KDM5A: variants seen among roughly 807,000 people sequenced by gnomAD.
KDM5A encodes lysine demethylase 5A, also known as lysine-specific demethylase 5A.
In KDM5A, 42 loss-of-function variants were observed where a neutral mutation model predicts 193.5. That is an observed-to-expected ratio of 0.22 (90% CI 0.17 to 0.28). The LOEUF is 0.28. KDM5A is among the 10% of genes least tolerant of loss of function. The pLI is 1.00. For missense variants in KDM5A, 1,692 were observed against 2,055.1 expected, an observed-to-expected ratio of 0.82 and a Z score of 3.42; for synonymous variants, 796 against 718.1, an observed-to-expected ratio of 1.11 and a Z score of -1.73.
In KDM5A at chr12:311,020, A is replaced by G; in HGVS notation, c.3081T>C (p.Ser1027=). 6.2e-7 allele frequency: 1 copy of G among 1,614,218 alleles called. No homozygotes were observed. Residue 1027 remains serine, a synonymous_variant, in exon 21 of 28, where the codon TCT becomes TCC. Coordinates refer to ENST00000399788, the MANE Select transcript of KDM5A (RefSeq NM_001042603.3). The part of the protein sequence containing the change: ...YAYLEQLESL[S]AKGRPIPVRL... Reference sequence around the variant, plus strand: ...GCACAGGAATAGGGCGTCCTTTCGCAGACAAGCTCTCAAGCTGCTCCAAAT... The same window carrying G: ...GCACAGGAATAGGGCGTCCTTTCGCGGACAAGCTCTCAAGCTGCTCCAAAT...
chr12:372,381 C>T (rs1228910831), intron 3 of KDM5A, among the ~76,000 whole-genome samples: 2 of 152,282 alleles, frequency 1.3e-5, no homozygotes, highest in East Asian at 3.9e-4. Context: ...GGAGTTCACT[C>T]ATGATTTGGC....
intron 27 of KDM5A, among the ~76,000 whole-genome samples, chr12:292,288 G>A (rs1051511885): frequency 1.3e-4 from 20 of 152,186 alleles, no homozygotes; most frequent in African/African-American, 3.9e-4. Context: ...GGTGCCCACA[G>A]CTCTGAGTGT....
At chr12:288,987 A>G (rs1943254661) in intron 27 of KDM5A, among the ~76,000 whole-genome samples, 1 of 152,220 alleles carries the variant, frequency 6.6e-6, no homozygotes, top group Non-Finnish European at 1.5e-5. Context: ...CTAAAAGGAG[A>G]TATGAACTAG....
At chr12:376,196 G>A (rs960578705) in intron 3 of KDM5A, among the ~76,000 whole-genome samples, 4 of 152,214 alleles carry the variant, frequency 2.6e-5, no homozygotes, top group Non-Finnish European at 5.9e-5. Context: ...TACAGAGGAA[G>A]GCAGGCCTCC....
chr12:366,760 A>C (rs1488590488), intron 3 of KDM5A, among the ~76,000 whole-genome samples: 1 of 152,258 alleles, frequency 6.6e-6, no homozygotes, highest in African/African-American at 2.4e-5. Context: ...GGCACTCTAC[A>C]GAATACATAT....
chr12:343,493 G>A (rs1451344059), intron 10 of KDM5A, among the ~76,000 whole-genome samples: 1 of 152,188 alleles, frequency 6.6e-6, no homozygotes, highest in Non-Finnish European at 1.5e-5. Context: ...CTAACTGGGA[G>A]ACACCCCTAG....
chr12:309,863 G>A lies in KDM5A; in HGVS notation c.3318C>T (p.Asp1106=), dbSNP rs368517435. The A allele has an allele frequency of 1.8e-4, 283 of 1,613,752 alleles. No homozygotes were observed. The highest frequency in any genetic ancestry group is 2.3e-4 in the Non-Finnish European group (269 of 1,179,992). ...CCTCCAGATCACTCAGAGGCTCCAG[G>A]TCCAGATCCTTTTCTTTTTCTTTTT... ...LIEKEKEKDL[D]LEPLSDLEEG... is the part of the protein sequence containing the mutation. Residue 1106 remains aspartate, a synonymous_variant, in exon 22 of 28, where the codon GAC becomes GAT. Coordinates refer to ENST00000399788, the MANE Select transcript of KDM5A (RefSeq NM_001042603.3).
chr12:337,629 A>C (rs988346394), intron 10 of KDM5A, among the ~76,000 whole-genome samples: 3 of 151,694 alleles, frequency 2.0e-5, no homozygotes, highest in Admixed American at 6.6e-5. Flanking sequence ...ATAAACATAG[A>C]ATCAAATATT....
chr12:351,832 A>C (rs1229300426), intron 9 of KDM5A, among the ~76,000 whole-genome samples: 1 of 151,964 alleles, frequency 6.6e-6, no homozygotes, highest in Non-Finnish European at 1.5e-5. Flanking sequence ...GGCTGGGCGC[A>C]GTGGTTCATG....
chr12:361,797 T>C lies in KDM5A; in HGVS notation c.672+1166A>G, dbSNP rs142503692. ...AATGAGGTTATCACTTTCCAATGAA[T>C]TTCCATGAAAGTCACATTCCTATCC... On this transcript the variant is annotated intron_variant, in intron 5 of 27. Transcript: ENST00000399788. Among the ~76,000 whole-genome samples the C allele has an allele frequency of 9.1e-3, 1,383 of 152,318 alleles. 30 individuals are homozygous for C. Among genetic ancestry groups the C allele is most frequent in the African/African-American group, 0.031 (1,292 of 41,558 alleles).
Position 293,089 on chromosome 12 carries a change from C to T in KDM5A, c.4536G>A (p.Lys1512=), listed in dbSNP as rs768565772. The stretch of plus-strand genomic sequence containing the variant: ...TTCCTTCTCCAAAAAGTTGCTCTAC[C>T]TTTTCTAGCTTCCGTTTCCGTTTCT... ...SEKKRKRKLE[K]VEQLFGEGKQ... is the part of the protein sequence containing the mutation. The change falls in exon 27 of 28, where the codon AAG becomes AAA. Residue 1512 remains lysine (K), a synonymous_variant. Transcript: ENST00000399788. The T allele has an allele frequency of 3.8e-6, 6 of 1,594,556 alleles. No homozygotes were observed. Among genetic ancestry groups the T allele is most frequent in the African/African-American group, 1.4e-5 (1 of 73,452 alleles).
At chr12:384,315 C>T (rs910200852) in intron 2 of KDM5A, among the ~76,000 whole-genome samples, 162 bp from the exon 3 acceptor site, 4 of 152,190 alleles carry the variant, frequency 2.6e-5, no homozygotes, top group Admixed American at 2.0e-4. Context: ...GGCAACCAAC[C>T]GGGCAAGCAT....
At chr12:325,540 G>A (rs2137414530) in intron 14 of KDM5A, among the ~76,000 whole-genome samples, 1 of 152,176 alleles carries the variant, frequency 6.6e-6, no homozygotes, top group South Asian at 2.1e-4. Flanking sequence ...ACTGGGTGTG[G>A]TGGCACATGC....
intron 4 of KDM5A, 68 bp downstream of exon 4, chr12:365,866 C>T: frequency 6.6e-7 from 1 of 1,520,004 alleles, no homozygotes; most frequent in East Asian, 2.3e-5. Flanking sequence ...GGGTTAAACA[C>T]AGTCTAAAGT....
At chr12:362,295 A>G (rs907758095) in intron 5 of KDM5A, among the ~76,000 whole-genome samples, 15 of 152,124 alleles carry the variant, frequency 9.9e-5, no homozygotes, top group Non-Finnish European at 4.4e-5. Context: ...GGGGAAAAAA[A>G]AGAAAAGAAA....
At chr12:306,656 T>C (rs1269717174) in intron 24 of KDM5A, among the ~76,000 whole-genome samples, 1 of 151,830 alleles carries the variant, frequency 6.6e-6, no homozygotes, top group Non-Finnish European at 1.5e-5. Context: ...GGCACAAGAA[T>C]TGCTTGAACC....
intron 27 of KDM5A, among the ~76,000 whole-genome samples, chr12:287,295 T>C (rs1943230766): frequency 6.6e-6 from 1 of 152,174 alleles, no homozygotes; most frequent in Non-Finnish European, 1.5e-5. Flanking sequence ...CTTACATTTT[T>C]AATCAGCTCC....
chr12:311,132 G>A, intron 20 of KDM5A, 68 bp from the exon 21 acceptor site: 1 of 1,413,020 alleles, frequency 7.1e-7, no homozygotes, highest in Non-Finnish European at 1.0e-6. Context: ...ACTGTTGAAA[G>A]ACCTTACAAA....
At position 315,605 on chromosome 12, in the gene KDM5A, A is replaced by G. The variant is rs142158821; in HGVS notation, c.2898-2411T>C. Among the ~76,000 whole-genome samples, 7 of 152,202 alleles carry G rather than the reference A, an allele frequency of 4.6e-5. No homozygotes were observed. In the East Asian group the frequency reaches 1.2e-3, roughly 25 times the overall value. ...AAAAGGCAGGGTGGGGTGAAAAAGA[A>G]TGAGTATAACATAAATCCACATGCA... is the stretch of plus-strand genomic sequence containing the variant. On this transcript the variant is annotated intron_variant, in intron 19 of 27. Coordinates refer to ENST00000399788, the MANE Select transcript of KDM5A (RefSeq NM_001042603.3).
Sources: allele counts gnomAD v4.1 joint callset (sites outside exome capture counted in the v4.1 genomes callset), GRCh38; gene constraint gnomAD v4.1.1; transcripts MANE v1.5; gene names NCBI Gene and HGNC (gene_info 2026-07-23, HGNC 2026-07-21).